RBM24: variants seen among roughly 807,000 people sequenced by gnomAD.
RBM24 encodes the protein RNA-binding protein 24.
Under a neutral mutation model 23.6 loss-of-function variants are expected in RBM24, and 5 were observed. The observed-to-expected ratio is 0.21, with a 90% CI of 0.11 to 0.45. The LOEUF (loss-of-function observed/expected upper bound fraction) is 0.45, where lower values mean the gene tolerates loss of function less well. RBM24 is among the 20% of genes least tolerant of loss of function. The pLI is 0.99. For missense variants in RBM24, 252 were observed against 314.6 expected, an observed-to-expected ratio of 0.80 and a Z score of 1.51; for synonymous variants, 151 against 129.5, an observed-to-expected ratio of 1.17 and a Z score of -1.13.
At position 17,293,284 on chromosome 6, in the gene RBM24, T is replaced by A. The variant is rs1470437441; in HGVS notation, c.*1165T>A. On this transcript the variant is annotated 3_prime_UTR_variant, in exon 4 of 4. Transcript: ENST00000379052. Reference sequence around the variant, plus strand: ...AAGAAAGGAACTTTAGATGTGACACTGTAAAATTATGTATTCATCTCATGG... The same window carrying A: ...AAGAAAGGAACTTTAGATGTGACACAGTAAAATTATGTATTCATCTCATGG... 1 of 152,670 alleles carries A rather than the reference T, an allele frequency of 6.6e-6. No individual in the cohort carries two copies. The highest frequency in any genetic ancestry group is 1.5e-5 in the Non-Finnish European group (1 of 68,034). 9.5% of individuals were successfully genotyped at this position (152,670 alleles called of 1,614,324 possible).
At chr6:17,282,019 G>A in intron 1 of RBM24, 3 of 1,323,002 alleles carry the variant, frequency 2.3e-6, no homozygotes, top group Non-Finnish European at 2.9e-6. Context: ...AATGACGGCG[G>A]GATTTGGGGT....
intron 3 of RBM24, among the ~76,000 whole-genome samples, chr6:17,287,808 CAA>C (rs1365235953): frequency 7.3e-6 from 1 of 137,440 alleles, no homozygotes; most frequent in Non-Finnish European, 1.6e-5. Context: ...GACTCCATCT[CAA>C]AAAAAAAAAC....
chr6:17,287,761 A>G (rs1165289674), intron 3 of RBM24, among the ~76,000 whole-genome samples: 1 of 151,934 alleles, frequency 6.6e-6, no homozygotes, highest in Non-Finnish European at 1.5e-5. Flanking sequence ...GCGAGCCGAG[A>G]TTGTGCCACT....
In RBM24 at chr6:17,292,257, T is replaced by C. The variant is rs1760393368; in HGVS notation, c.*138T>C. On this transcript the variant is annotated 3_prime_UTR_variant, in exon 4 of 4. Coordinates refer to ENST00000379052, the MANE Select transcript of RBM24 (RefSeq NM_001143942.2). ...CCATGCTATTGTGAAGCAGAGTTAT[T>C]ATTTTTTTTATACTCCAGGTAGTGT... The C allele has an allele frequency of 7.4e-6, 6 of 806,934 alleles. No homozygotes were observed. The highest frequency in any genetic ancestry group is 2.9e-5 in the Admixed American group (1 of 34,330). 50.0% of individuals were successfully genotyped at this position (806,934 alleles called of 1,614,324 possible). A position where few individuals can be genotyped will look rare whatever the true frequency, so the allele number is the denominator to read the frequency against.
intron 3 of RBM24, among the ~76,000 whole-genome samples, chr6:17,290,298 A>G (rs1015846838): frequency 2.0e-5 from 3 of 152,210 alleles, no homozygotes; most frequent in Admixed American, 6.5e-5. Flanking sequence ...TTTGCCAGCA[A>G]CCACGTAGTA....
In RBM24 at chr6:17,293,353, A is replaced by G. The variant is rs961079624; in HGVS notation, c.*1234A>G. On this transcript the variant is annotated 3_prime_UTR_variant, in exon 4 of 4. Coordinates refer to ENST00000379052, the MANE Select transcript of RBM24 (RefSeq NM_001143942.2). Reference sequence around the variant, plus strand: ...TCTAGATGTAGCGTATTAAATATTAACCTATTCAACTAAAGATGTTGACTT... The same window carrying G: ...TCTAGATGTAGCGTATTAAATATTAGCCTATTCAACTAAAGATGTTGACTT... 6.6e-6 allele frequency: 1 copy of G among 152,640 alleles called. No homozygotes were observed. The highest frequency in any genetic ancestry group is 1.5e-5 in the Non-Finnish European group (1 of 68,022). 9.5% of individuals were successfully genotyped at this position (152,640 alleles called of 1,614,324 possible). A position where few individuals can be genotyped will look rare whatever the true frequency, so the allele number is the denominator to read the frequency against.
chr6:17,287,098 C>T (rs953706121), intron 3 of RBM24, among the ~76,000 whole-genome samples: 4 of 152,172 alleles, frequency 2.6e-5, no homozygotes, highest in African/African-American at 9.7e-5. Context: ...GATAGCATTC[C>T]AGGTGGACCA....
At chr6:17,282,123 C>T (rs1039464083) in intron 1 of RBM24, 3 of 1,218,068 alleles carry the variant, frequency 2.5e-6, no homozygotes, top group African/African-American at 3.2e-5. Context: ...TGTAAAAATG[C>T]GTGTGTTCTG....
At chr6:17,288,026 T>TA (rs1760248078) in intron 3 of RBM24, 1 of 153,540 alleles carries the variant, frequency 6.5e-6, no homozygotes, top group South Asian at 2.1e-4. Context: ...GGGATTTACA[T>TA]AAATTACATA....
intron 3 of RBM24, chr6:17,290,807 C>T (rs1369706826): frequency 1.6e-6 from 2 of 1,251,638 alleles, no homozygotes; most frequent in East Asian, 1.1e-4. Context: ...TTTCCCTCAA[C>T]CTCATCATTT....
At chr6:17,289,812 C>T (rs1344461533) in intron 3 of RBM24, 2 of 1,075,374 alleles carry the variant, frequency 1.9e-6, no homozygotes, top group Middle Eastern at 4.4e-4. Flanking sequence ...TGTCCATCAC[C>T]ACATGTAAAC....
At position 17,292,187 on chromosome 6, in the gene RBM24, A is replaced by G. The variant is rs1343614040; in HGVS notation, c.*68A>G. 7.1e-7 allele frequency: 1 copy of G among 1,400,054 alleles called. No homozygotes were observed. Among genetic ancestry groups the G allele is most frequent in the Non-Finnish European group, 9.5e-7 (1 of 1,053,898 alleles). The allele number at this position is 1,400,054 out of a possible 1,614,324, so 86.7% of individuals were successfully genotyped here. ...CCAATTTTCCAATTTTTAGTAGCTA[A>G]TAAGAGAGTTAACATTGACTTAACA... On this transcript the variant is annotated 3_prime_UTR_variant, in exon 4 of 4. Coordinates refer to ENST00000379052, the MANE Select transcript of RBM24 (RefSeq NM_001143942.2).
chr6:17,288,811 C>T (rs1406354012), intron 3 of RBM24: 2 of 985,256 alleles, frequency 2.0e-6, no homozygotes. Flanking sequence ...TGTTTTGGAG[C>T]CAGGGGCAGT....
chr6:17,281,832 GGCGTGACCCGTGAGGAGCCCC>G lies in RBM24; in HGVS notation c.168+87_168+107del, dbSNP rs1417884989. 3 of 1,499,714 alleles carry G rather than the reference GGCGTGACCCGTGAGGAGCCCC, an allele frequency of 2.0e-6. No homozygotes were observed. The highest frequency in any genetic ancestry group is 2.1e-5 in the Admixed American group (1 of 48,748). The allele number at this position is 1,499,714 out of a possible 1,614,324, so 92.9% of individuals were successfully genotyped here. A position where few individuals can be genotyped will look rare whatever the true frequency, so the allele number is the denominator to read the frequency against. On this transcript the variant is annotated intron_variant, in intron 1 of 3. Coordinates refer to ENST00000379052, the MANE Select transcript of RBM24 (RefSeq NM_001143942.2). The surrounding 1 kb of genome is among the most constrained non-coding windows in gnomAD (Gnocchi z 7.1). Reference sequence around the variant, plus strand: ...ATCGGGAGCTTGGAGTGAGGGGCTCGGCGTGACCCGTGAGGAGCCCCGCGGGTAGAGCGGCGCTGCCCCTTC... The same window carrying G: ...ATCGGGAGCTTGGAGTGAGGGGCTCGGCGGGTAGAGCGGCGCTGCCCCTTC...
rs1434402227 is a variant in RBM24 at position 17,292,258 on chromosome 6, A to AT, written c.*147dup. ...CATGCTATTGTGAAGCAGAGTTATT[A>AT]TTTTTTTTATACTCCAGGTAGTGTT... is the stretch of plus-strand genomic sequence containing the variant. On this transcript the variant is annotated 3_prime_UTR_variant, in exon 4 of 4. Transcript: ENST00000379052. 24 of 795,974 alleles carry AT rather than the reference A, an allele frequency of 3.0e-5. No homozygotes were observed. Among genetic ancestry groups the AT allele is most frequent in the South Asian group, 6.3e-5 (2 of 31,762 alleles). 49.3% of individuals were successfully genotyped at this position (795,974 alleles called of 1,614,324 possible). A position where few individuals can be genotyped will look rare whatever the true frequency, so the allele number is the denominator to read the frequency against.
At chr6:17,286,645 G>T (rs568852679) in intron 3 of RBM24, among the ~76,000 whole-genome samples, 1 of 152,338 alleles carries the variant, frequency 6.6e-6, no homozygotes, top group Non-Finnish European at 1.5e-5. Context: ...CAAGAAAATA[G>T]ATGAAGTGGA....
At chr6:17,291,649 A>G in intron 3 of RBM24, 107 bp from the exon 4 acceptor site, 1 of 1,236,840 alleles carries the variant, frequency 8.1e-7, no homozygotes, top group Non-Finnish European at 1.1e-6. Flanking sequence ...TATTGTGGCA[A>G]CCCTATGCTC....
chr6:17,293,295 G>A lies in RBM24; in HGVS notation c.*1176G>A, dbSNP rs1760425493. 1 of 152,618 alleles carries A rather than the reference G, an allele frequency of 6.6e-6. No homozygotes were observed. The highest frequency in any genetic ancestry group is 1.5e-5 in the Non-Finnish European group (1 of 68,034). The allele number at this position is 152,618 out of a possible 1,614,324, so 9.5% of individuals were successfully genotyped here. A position where few individuals can be genotyped will look rare whatever the true frequency, so the allele number is the denominator to read the frequency against. On this transcript the variant is annotated 3_prime_UTR_variant, in exon 4 of 4. Transcript: ENST00000379052. ...TTTAGATGTGACACTGTAAAATTAT[G>A]TATTCATCTCATGGCATAAATTATT...
At chr6:17,282,060 C>A in intron 1 of RBM24, 1 of 1,266,464 alleles carries the variant, frequency 7.9e-7, no homozygotes, top group Non-Finnish European at 1.0e-6. Flanking sequence ...GGCCGCAACC[C>A]TGAACAATTG....
Sources: gnomAD v4.1 joint callset for allele counts (sites outside exome capture counted in the v4.1 genomes callset) on GRCh38, gnomAD v4.1.1 for gene constraint, Gnocchi (gnomAD v3.1) non-coding constraint, MANE v1.5 for transcripts, NCBI Gene and HGNC (gene_info 2026-07-23, HGNC 2026-07-21) for gene names.